Variants in ATP7A observed in about 807,000 individuals in gnomAD.
The protein encoded by ATP7A is copper-transporting ATPase 1.
In ATP7A, 7 loss-of-function variants were observed where a neutral mutation model predicts 83.5. That is an observed-to-expected ratio of 0.08 (90% CI 0.05 to 0.16). The LOEUF (loss-of-function observed/expected upper bound fraction) is 0.16. Among genes scored for constraint, ATP7A ranks in the 10% least tolerant of loss-of-function variants. The pLI is 1.00. For missense variants in ATP7A, 940 were observed against 1,120.8 expected, an observed-to-expected ratio of 0.84 and a Z score of 2.30; for synonymous variants, 354 against 395.2, an observed-to-expected ratio of 0.90 and a Z score of 1.24.
intron 1 of ATP7A, among the ~76,000 whole-genome samples, chrX:77,937,318 G>A (rs181970876): frequency 1.2e-4 from 14 of 112,555 alleles, no homozygotes; most frequent in Non-Finnish European, 1.3e-4. Flanking sequence ...GTTGGCAAGT[G>A]TGCAGAGCAA....
chrX:77,966,495 C>T (rs782479366), intron 1 of ATP7A, among the ~76,000 whole-genome samples: 3 of 112,006 alleles, frequency 2.7e-5, no homozygotes, highest in Non-Finnish European at 5.6e-5. Context: ...CATCAATGTA[C>T]CTTGAAAACA....
chrX:78,008,574 A>T (rs912926002), intron 6 of ATP7A, among the ~76,000 whole-genome samples: 15 of 111,443 alleles, frequency 1.3e-4, no homozygotes, highest in African/African-American at 4.9e-4. Context: ...AACAATAATA[A>T]ATGTCAAATC....
chrX:77,966,836 C>T (rs781976093), intron 1 of ATP7A: 7 of 328,139 alleles, frequency 2.1e-5, no homozygotes, highest in Middle Eastern at 4.4e-4. Flanking sequence ...AGGTTTGTTA[C>T]GTAGGTACAT....
At chrX:78,029,955 C>T (rs1366485147) in intron 15 of ATP7A, among the ~76,000 whole-genome samples, 1 of 111,809 alleles carries the variant, frequency 8.9e-6, no homozygotes, top group African/African-American at 3.3e-5. Flanking sequence ...TACTTGACTT[C>T]AACTAAAACC....
chrX:78,046,330 T>C lies in ATP7A; in HGVS notation c.4263T>C (p.Pro1421=), dbSNP rs2078083306. 1.8e-5 allele frequency: 22 copies of C among 1,211,784 alleles called. No homozygotes were observed. The highest frequency in any genetic ancestry group is 2.5e-5 in the Non-Finnish European group (22 of 895,299). The change falls in exon 23 of 23, where the codon CCT becomes CCC. Residue 1421 remains proline, a synonymous_variant. Coordinates refer to ENST00000341514, the MANE Select transcript of ATP7A (RefSeq NM_000052.7). Reference sequence around the variant, plus strand: ...CAACTTACGAGAGTTATGAACTGCCTGCCCGGAGCCAGATAGGACAGAAGA... The same window carrying C: ...CAACTTACGAGAGTTATGAACTGCCCGCCCGGAGCCAGATAGGACAGAAGA... ...RKPTYESYEL[P]ARSQIGQKSP... is the part of the protein sequence containing the mutation.
intron 1 of ATP7A, among the ~76,000 whole-genome samples, chrX:77,946,773 G>A (rs2077382579): frequency 9.3e-6 from 1 of 108,041 alleles, no homozygotes; most frequent in Non-Finnish European, 1.9e-5. Context: ...TCAAGTGTTG[G>A]CGAGAAACTG....
intron 1 of ATP7A, among the ~76,000 whole-genome samples, chrX:77,959,780 A>G (rs1239428181): frequency 6.2e-5 from 7 of 112,483 alleles, no homozygotes; most frequent in Non-Finnish European, 1.3e-4. Flanking sequence ...ACATTGTTGC[A>G]ATGAGCATTT....
intron 1 of ATP7A, among the ~76,000 whole-genome samples, chrX:77,957,106 T>G (rs1351118608): frequency 2.7e-5 from 3 of 111,671 alleles, no homozygotes; most frequent in African/African-American, 9.8e-5. Flanking sequence ...CAGGTATTTC[T>G]TTATAGCAAT....
intron 4 of ATP7A, among the ~76,000 whole-genome samples, chrX:77,991,622 C>T (rs966391445): frequency 2.7e-5 from 3 of 111,395 alleles, no homozygotes; most frequent in African/African-American, 9.8e-5. Context: ...GGCAGCTAAA[C>T]TTTTTGAGGG....
intron 2 of ATP7A, chrX:77,975,516 A>C (rs2077572208): frequency 1.2e-5 from 1 of 82,124 alleles, no homozygotes; most frequent in Non-Finnish European, 2.2e-5. Flanking sequence ...TTTAGATGGA[A>C]TCTCACTCTG....
In ATP7A at chrX:77,989,776, G is replaced by A. The variant is rs1557231879; in HGVS notation, c.1154G>A (p.Gly385Asp). 1.7e-6 allele frequency: 2 copies of A among 1,209,489 alleles called. No individual in the cohort carries two copies. The highest frequency in any genetic ancestry group is 5.9e-5 in the East Asian group (2 of 33,751). Residue 385 changes from glycine (G) to aspartate (D), a missense_variant, in exon 4 of 23, where the codon GGC (glycine) becomes GAC (aspartate). Around this residue, in one of 3 missense-constraint regions of ATP7A, gnomAD observed 350 missense variants for 432.8 expected, o/e 0.81. Transcript: ENST00000341514. ...CAAGAAACTGTGATAAACATTGATGGCATGACTTGTAATTCCTGTGTGCAG... is the reference window on the plus strand; with the variant it reads ...CAAGAAACTGTGATAAACATTGATGACATGACTTGTAATTCCTGTGTGCAG... ...LTQETVINID[G>D]MTCNSCVQSI...
At chrX:77,989,124 C>G in intron 3 of ATP7A, 109 bp from the exon 4 acceptor site, 1 of 908,386 alleles carries the variant, frequency 1.1e-6, no homozygotes, top group Non-Finnish European at 1.5e-6. Context: ...AATATGATGA[C>G]AAGAATGAGA....
intron 1 of ATP7A, among the ~76,000 whole-genome samples, chrX:77,956,623 C>T (rs781861462): frequency 9.0e-6 from 1 of 111,464 alleles, no homozygotes; most frequent in South Asian, 3.8e-4. Flanking sequence ...ACAAAAGCTC[C>T]TTGAGGCTTC....
chrX:78,028,324 G>A (rs900776401), intron 14 of ATP7A, among the ~76,000 whole-genome samples: 1 of 110,584 alleles, frequency 9.0e-6, no homozygotes, highest in Non-Finnish European at 1.9e-5. Context: ...AAGTAGCTGG[G>A]ATTACAGGCA....
At chrX:78,019,897 G>A (rs782643397) in intron 12 of ATP7A, among the ~76,000 whole-genome samples, 3 of 111,168 alleles carry the variant, frequency 2.7e-5, no homozygotes, top group Admixed American at 9.6e-5. Flanking sequence ...AATCGAAGTA[G>A]TAGCACCCCC....
chrX:77,998,786 G>T, intron 5 of ATP7A, 102 bp downstream of exon 5: 1 of 911,655 alleles, frequency 1.1e-6, no homozygotes, highest in Admixed American at 2.3e-5. Flanking sequence ...TCTTGGTAAG[G>T]CCTCATAAAG....
chrX:77,920,439 G>A (rs2077207473), intron 1 of ATP7A, among the ~76,000 whole-genome samples: 1 of 110,088 alleles, frequency 9.1e-6, no homozygotes, highest in Admixed American at 9.8e-5. Context: ...GGATGGTCTT[G>A]ATCTCCTGAC....
At chrX:78,031,330 G>A in intron 15 of ATP7A, 70 bp from the exon 16 acceptor site, 1 of 1,035,333 alleles carries the variant, frequency 9.7e-7, no homozygotes, top group East Asian at 3.0e-5. Context: ...TGTCAAAACA[G>A]ACCTTTTTCT....
chrX:77,912,941 G>T (rs2077168354), intron 1 of ATP7A, among the ~76,000 whole-genome samples: 1 of 111,643 alleles, frequency 9.0e-6, no homozygotes, highest in African/African-American at 3.3e-5. Context: ...TAACATCTCT[G>T]TTCTCTAAAG....
Sources: allele counts gnomAD v4.1 joint callset (sites outside exome capture counted in the v4.1 genomes callset), GRCh38; gene constraint gnomAD v4.1.1; regional missense constraint gnomAD v4.1.1; transcripts MANE v1.5; gene names NCBI Gene and HGNC (gene_info 2026-07-23, HGNC 2026-07-21).